The following RBM20 variants were observed in gnomAD, a reference collection of about 807,000 sequenced individuals.
RBM20 encodes RNA binding motif protein 20.
In RBM20, 51 loss-of-function variants were observed where a neutral mutation model predicts 110.1. That is an observed-to-expected ratio of 0.46 (90% CI 0.37 to 0.59). The LOEUF (loss-of-function observed/expected upper bound fraction) is 0.59, where lower values mean the gene tolerates loss of function less well. RBM20 is among the 20% of genes least tolerant of loss of function. The probability of loss-of-function intolerance (pLI) is 0.00; values close to 1 mark genes in which losing one functional copy is unlikely to be tolerated. For missense variants in RBM20, 1,512 were observed against 1,574.9 expected (o/e 0.96, Z 0.68); for synonymous variants, 589 against 618.2 (o/e 0.95, Z 0.70).
intron 1 of RBM20, among the ~76,000 whole-genome samples, chr10:110,759,358 T>C (rs1843965188): frequency 6.6e-6 from 1 of 152,136 alleles, no homozygotes; most frequent in South Asian, 2.1e-4. Context: ...AAAGATAGAG[T>C]AGTCAGCCCT....
chr10:110,706,979 A>G (rs938832222), intron 1 of RBM20, among the ~76,000 whole-genome samples: 2 of 152,112 alleles, frequency 1.3e-5, no homozygotes, highest in Admixed American at 6.5e-5. Flanking sequence ...ACGTGGAAAA[A>G]CGCTTAAATG....
chr10:110,818,060 G>A lies in RBM20; in HGVS notation c.2551-2012G>A, dbSNP rs139775600. 2.2e-3 allele frequency among the ~76,000 whole-genome samples: 337 copies of A among 151,844 alleles called. 2 individuals are homozygous for A. The highest frequency in any genetic ancestry group is 7.7e-3 in the African/African-American group (320 of 41,366). ...TTTGGGAGGCTGAGGCAGGCAGATC[G>A]CTTGAGGTCAGGAGTTCGAGACCAG... On this transcript the variant is annotated intron_variant, in intron 9 of 13. Coordinates refer to ENST00000369519, the MANE Select transcript of RBM20 (RefSeq NM_001134363.3).
intron 1 of RBM20, among the ~76,000 whole-genome samples, chr10:110,692,357 C>A (rs1212481144): frequency 2.0e-5 from 3 of 152,090 alleles, no homozygotes; most frequent in Non-Finnish European, 4.4e-5. Flanking sequence ...AGGTCACTTA[C>A]AATATTAAGT....
chr10:110,756,039 G>A (rs1843916319), intron 1 of RBM20, among the ~76,000 whole-genome samples: 1 of 152,208 alleles, frequency 6.6e-6, no homozygotes, highest in Non-Finnish European at 1.5e-5. Context: ...GTGCATCTGT[G>A]ACAATGACAG....
At chr10:110,663,606 C>T (rs887870301) in intron 1 of RBM20, among the ~76,000 whole-genome samples, 1 of 152,120 alleles carries the variant, frequency 6.6e-6, no homozygotes, top group African/African-American at 2.4e-5. Flanking sequence ...GTAGATTTGA[C>T]TTTGGAAGCT....
chr10:110,784,251 G>T, intron 3 of RBM20, 90 bp from the exon 4 acceptor site: 1 of 911,984 alleles, frequency 1.1e-6, no homozygotes. Flanking sequence ...CTATTTGGGG[G>T]TCTGCACCTA....
At chr10:110,711,287 G>A (rs1862922999) in intron 1 of RBM20, among the ~76,000 whole-genome samples, 1 of 126,350 alleles carries the variant, frequency 7.9e-6, no homozygotes, top group Non-Finnish European at 1.6e-5. Context: ...CTGAGACTGT[G>A]CCACTTCACT....
intron 1 of RBM20, among the ~76,000 whole-genome samples, chr10:110,647,923 G>A (rs1021987191): frequency 6.6e-6 from 1 of 152,132 alleles, no homozygotes; most frequent in Non-Finnish European, 1.5e-5. Flanking sequence ...ATGGAACCAC[G>A]AAGTATACCA....
intron 1 of RBM20, among the ~76,000 whole-genome samples, chr10:110,718,398 T>C (rs1052851786): frequency 6.6e-6 from 1 of 152,186 alleles, no homozygotes; most frequent in African/African-American, 2.4e-5. Context: ...GACTCTCCCT[T>C]GCAAAACATG....
intron 1 of RBM20, among the ~76,000 whole-genome samples, chr10:110,675,860 T>G (rs1862331077): frequency 1.3e-5 from 2 of 152,222 alleles, no homozygotes; most frequent in African/African-American, 4.8e-5. Context: ...TGTGATAATA[T>G]ATATAATCAT....
chr10:110,817,005 A>G (rs1844848536), intron 9 of RBM20, among the ~76,000 whole-genome samples: 1 of 152,218 alleles, frequency 6.6e-6, no homozygotes, highest in African/African-American at 2.4e-5. Flanking sequence ...CTGAGACCCA[A>G]TCCTGGCCAC....
intron 1 of RBM20, among the ~76,000 whole-genome samples, chr10:110,768,659 G>A (rs1844143054): frequency 6.6e-6 from 1 of 152,170 alleles, no homozygotes; most frequent in Non-Finnish European, 1.5e-5. Flanking sequence ...TTTGTTCAGT[G>A]CCTCTAATTT....
intron 1 of RBM20, among the ~76,000 whole-genome samples, chr10:110,744,120 T>G (rs1843751335): frequency 6.6e-6 from 1 of 152,204 alleles, no homozygotes. Flanking sequence ...TGTGTGGCAC[T>G]GGGCAAACTC....
At chr10:110,676,647 A>T (rs1188343503) in intron 1 of RBM20, among the ~76,000 whole-genome samples, 1 of 152,230 alleles carries the variant, frequency 6.6e-6, no homozygotes, top group Non-Finnish European at 1.5e-5. Context: ...AAATTTCAAA[A>T]TTCACAAAGT....
At chr10:110,721,456 AT>A (rs1444120058) in intron 1 of RBM20, among the ~76,000 whole-genome samples, 1 of 152,134 alleles carries the variant, frequency 6.6e-6, no homozygotes, top group Non-Finnish European at 1.5e-5. Flanking sequence ...GCCGTTTCCC[AT>A]GGGCCTTGGT....
intron 12 of RBM20, among the ~76,000 whole-genome samples, chr10:110,824,865 A>G (rs995922026): frequency 6.6e-6 from 1 of 152,188 alleles, no homozygotes; most frequent in Non-Finnish European, 1.5e-5. Flanking sequence ...CATAAAAAGC[A>G]CGGGTCATCT....
At chr10:110,825,465 T>C (rs1844970872) in intron 12 of RBM20, among the ~76,000 whole-genome samples, 1 of 152,192 alleles carries the variant, frequency 6.6e-6, no homozygotes, top group South Asian at 2.1e-4. Context: ...ATATTAAAGG[T>C]CTGATTGATC....
chr10:110,827,624 G>A (rs776941101), intron 12 of RBM20: 2 of 152,154 alleles, frequency 1.3e-5, no homozygotes, highest in Non-Finnish European at 2.9e-5. Flanking sequence ...TTCTTCATCT[G>A]TGAATCAGCC....
At chr10:110,813,073 G>A in intron 9 of RBM20, 126 bp downstream of exon 9, 1 of 709,930 alleles carries the variant, frequency 1.4e-6, no homozygotes, top group South Asian at 2.4e-5. Flanking sequence ...TATGCGCTAG[G>A]CACTGTGCAA....
Sources: allele counts gnomAD v4.1 joint callset (sites outside exome capture counted in the v4.1 genomes callset), GRCh38; gene constraint gnomAD v4.1.1; transcripts MANE v1.5; gene names NCBI Gene and HGNC (gene_info 2026-07-23, HGNC 2026-07-21).